Variants in PRRC2B observed in about 807,000 individuals in gnomAD.
PRRC2B encodes the protein protein PRRC2B.
Under a neutral mutation model 242.3 loss-of-function variants are expected in PRRC2B, and 68 were observed. The ratio of observed to expected loss-of-function variants is 0.28; its 90% confidence interval spans 0.23 to 0.34. The LOEUF (loss-of-function observed/expected upper bound fraction) is 0.34. PRRC2B is among the 10% of genes least tolerant of loss of function. PRRC2B has a pLI of 1.00. For synonymous variants in PRRC2B, 1,228 were observed against 1,173.6 expected (o/e 1.05, Z -0.95); for missense variants, 2,835 against 2,954.8 (o/e 0.96, Z 0.94).
chr9:131,420,454 T>TTCTTTCGTTCGTTCGTTCG (rs1837778374), intron 1 of PRRC2B, among the ~76,000 whole-genome samples: 1 of 8,024 alleles, frequency 1.2e-4, no homozygotes, highest in Non-Finnish European at 7.0e-4. Flanking sequence ...TCTTTTTCTT[T>TTCTTTCGTTCGTTCGTTCG]TTCTTTCTTT....
chr9:131,414,435 A>G lies in PRRC2B; in HGVS notation c.-51-15659A>G, dbSNP rs1346729556. ...TATCTTTTGCTTTTTACATTGCTCC[A>G]AGAAAATGCAATCAATACTAATTTG... is the stretch of plus-strand genomic sequence containing the variant. On this transcript the variant is annotated intron_variant, in intron 1 of 31. Coordinates refer to ENST00000683519, the MANE Select transcript of PRRC2B (RefSeq NM_013318.4). Among the ~76,000 whole-genome samples, 9 of 43,594 alleles carry G rather than the reference A, an allele frequency of 2.1e-4. No homozygotes were observed. The Admixed American group carries it at 2.3e-3, about 11-fold the overall frequency. The allele number at this position is 43,594 out of a possible 152,430, so 28.6% of individuals were successfully genotyped here.
At chr9:131,469,944 A>G (rs1464348370) in intron 13 of PRRC2B, among the ~76,000 whole-genome samples, 2 of 152,210 alleles carry the variant, frequency 1.3e-5, no homozygotes, top group African/African-American at 4.8e-5. Context: ...TGTGAGTGCA[A>G]CAAAGGAGCA....
chr9:131,450,641 G>A (rs1028536476), intron 9 of PRRC2B, among the ~76,000 whole-genome samples: 1 of 150,516 alleles, frequency 6.6e-6, no homozygotes, highest in East Asian at 2.0e-4. Flanking sequence ...AGGCTGGAGT[G>A]CAGTGGCATG....
At chr9:131,477,104 C>T (rs1006439269) in intron 16 of PRRC2B, among the ~76,000 whole-genome samples, 6 of 152,184 alleles carry the variant, frequency 3.9e-5, no homozygotes, top group Admixed American at 1.3e-4. Context: ...CAGAGGCATT[C>T]GGGTGATGAC....
chr9:131,420,496 T>TCTTTCTTTCGTTCGTTCGTTC (rs59621148), intron 1 of PRRC2B, among the ~76,000 whole-genome samples: 1 of 75,898 alleles, frequency 1.3e-5, no homozygotes. Context: ...TTTCTTTCTT[T>TCTTTCTTTCGTTCGTTCGTTC]TTTTTTTTTT....
intron 1 of PRRC2B, among the ~76,000 whole-genome samples, chr9:131,413,566 CTG>C (rs1837561251): frequency 6.6e-6 from 1 of 152,236 alleles, no homozygotes; most frequent in East Asian, 1.9e-4. Context: ...CGTGCTCTCA[CTG>C]TGTTGCCCAG....
At chr9:131,451,326 G>A (rs1219916106) in intron 9 of PRRC2B, among the ~76,000 whole-genome samples, 1 of 152,152 alleles carries the variant, frequency 6.6e-6, no homozygotes, top group Non-Finnish European at 1.5e-5. Context: ...TTGAACTCGG[G>A]AGGCGGAGGT....
intron 28 of PRRC2B, among the ~76,000 whole-genome samples, chr9:131,489,486 C>T (rs1481314832): frequency 6.6e-6 from 1 of 152,092 alleles, no homozygotes; most frequent in Non-Finnish European, 1.5e-5. Flanking sequence ...CAGTCTCTGC[C>T]ACCCATGTTT....
At chr9:131,406,365 A>G (rs2131290796) in intron 1 of PRRC2B, among the ~76,000 whole-genome samples, 1 of 152,272 alleles carries the variant, frequency 6.6e-6, no homozygotes, top group East Asian at 1.9e-4. Context: ...GATAGCTGGC[A>G]GCTGCCCTGT....
At chr9:131,412,156 AT>A (rs1274754843) in intron 1 of PRRC2B, among the ~76,000 whole-genome samples, 1 of 152,162 alleles carries the variant, frequency 6.6e-6, no homozygotes, top group Non-Finnish European at 1.5e-5. Flanking sequence ...ATGTTTGCTC[AT>A]CTACGTTGAC....
Position 131,482,816 on chromosome 9 carries a change from A to G in PRRC2B, c.5282A>G (p.Gln1761Arg), listed in dbSNP as rs757067304. The G allele has an allele frequency of 1.2e-6, 2 of 1,609,600 alleles. No individual in the cohort carries two copies. Among genetic ancestry groups the G allele is most frequent in the African/African-American group, 1.3e-5 (1 of 74,856 alleles). Residue 1761 changes from glutamine (Q) to arginine (R), a missense_variant, in exon 22 of 32, where the codon CAA (glutamine) becomes CGA (arginine). Physicochemically the swap from Gln to Arg is conservative, Grantham distance 43. Coordinates refer to ENST00000683519, the MANE Select transcript of PRRC2B (RefSeq NM_013318.4). This position sits in a 1 kb window ranked among gnomAD's most constrained non-coding sequence, Gnocchi z 5.2. ...GGCTCGGAGGGGGCCGAGCGGCTGC[A>G]AGGGGCTGTCGTCCCGCCTGTTAAC... ...RKGSEGAERL[Q>R]GAVVPPVNGV... is the part of the protein sequence containing the mutation.
At position 131,420,494 on chromosome 9, in the gene PRRC2B, T is replaced by TTTCTTTCTTTCTTTCTTTCTTTCTC. The variant is rs1554758631; in HGVS notation, c.-51-9598_-51-9597insCTTTCTTTCTTTCTTTCTTTCTCTT. Among the ~76,000 whole-genome samples, 12 of 10,050 alleles carry TTTCTTTCTTTCTTTCTTTCTTTCTC rather than the reference T, an allele frequency of 1.2e-3. 1 individual carries two copies. The highest frequency in any genetic ancestry group is 6.8e-4 in the Non-Finnish European group (3 of 4,442). 6.6% of individuals were successfully genotyped at this position (10,050 alleles called of 152,430 possible). A position where few individuals can be genotyped will look rare whatever the true frequency, so the allele number is the denominator to read the frequency against. On this transcript the variant is annotated intron_variant, in intron 1 of 31. Coordinates refer to ENST00000683519, the MANE Select transcript of PRRC2B (RefSeq NM_013318.4). Reference sequence around the variant, plus strand: ...CTTTCTTTCTTTCTTTCTTTCTTTCTTTTTTTTTTTTTTTTTGAGATGGAG... The same window carrying TTTCTTTCTTTCTTTCTTTCTTTCTC: ...CTTTCTTTCTTTCTTTCTTTCTTTCTTTCTTTCTTTCTTTCTTTCTTTCTCTTTTTTTTTTTTTTTTGAGATGGAG...
At chr9:131,396,325 CTTTTTT>C (rs1165485887) in intron 1 of PRRC2B, among the ~76,000 whole-genome samples, 8 of 132,954 alleles carry the variant, frequency 6.0e-5, no homozygotes, top group African/African-American at 2.4e-4. Flanking sequence ...CTTTTCTTTT[CTTTTTT>C]TTTTTTTTTT....
chr9:131,456,910 T>G (rs1035743045), intron 10 of PRRC2B, among the ~76,000 whole-genome samples: 4 of 152,260 alleles, frequency 2.6e-5, no homozygotes, highest in African/African-American at 9.6e-5. Context: ...AATGCCTGTT[T>G]CCTTCACATT....
At chr9:131,483,850 C>T (rs1241204510) in intron 23 of PRRC2B, among the ~76,000 whole-genome samples, 1 of 152,210 alleles carries the variant, frequency 6.6e-6, no homozygotes, top group African/African-American at 2.4e-5. Flanking sequence ...GGCGCTCTAC[C>T]ATGGGCTCAG....
Position 131,482,715 on chromosome 9 carries a change from A to G in PRRC2B, c.5181A>G (p.Ser1727=). Reference sequence around the variant, plus strand: ...CTCTCTGCTTTTTTATCAAGGATTCAGAACAAGGCTCTGGACAGAGCAAGG... The same window carrying G: ...CTCTCTGCTTTTTTATCAAGGATTCGGAACAAGGCTCTGGACAGAGCAAGG... ...QAPKPSEQKD[S]EQGSGQSKEH... The change falls in exon 22 of 32, where the codon TCA becomes TCG. Residue 1727 remains serine (S), a synonymous_variant. Coordinates refer to ENST00000683519, the MANE Select transcript of PRRC2B (RefSeq NM_013318.4). The surrounding 1 kb of genome is among the most constrained non-coding windows in gnomAD (Gnocchi z 5.2). 6.4e-7 allele frequency: 1 copy of G among 1,570,184 alleles called. No homozygotes were observed. Among genetic ancestry groups the G allele is most frequent in the Non-Finnish European group, 8.6e-7 (1 of 1,159,456 alleles).
At chr9:131,380,588 A>T (rs1488904708) in intron 1 of PRRC2B, among the ~76,000 whole-genome samples, 2 of 149,094 alleles carry the variant, frequency 1.3e-5, no homozygotes, top group Non-Finnish European at 3.0e-5. Flanking sequence ...TCAAAAAAGA[A>T]AAAAAAAAAG....
intron 1 of PRRC2B, among the ~76,000 whole-genome samples, chr9:131,401,408 G>A (rs1210009612): frequency 9.5e-5 from 14 of 146,958 alleles, no homozygotes; most frequent in African/African-American, 2.8e-4. Context: ...TTTTGAGATA[G>A]GGTCTCACTG....
Position 131,478,501 on chromosome 9 carries a change from G to A in PRRC2B, c.4640G>A (p.Ser1547Asn), listed in dbSNP as rs370723829. The A allele has an allele frequency of 2.5e-6, 4 of 1,613,780 alleles. No homozygotes were observed. The highest frequency in any genetic ancestry group is 1.3e-5 in the African/African-American group (1 of 75,018). The change falls in exon 18 of 32, where the codon AGC (serine) becomes AAC (asparagine). Residue 1547 changes from serine to asparagine, a missense_variant. Physicochemically the swap from Ser to Asn is conservative, Grantham distance 46. Around this residue, in one of 7 missense-constraint regions of PRRC2B, gnomAD observed 1,536 missense variants for 1,483.1 expected, o/e 1.04. Transcript: ENST00000683519. ...GCCATCATTGAAAATTGCGGGTCCA[G>A]CCCCGGGGAGGAGAGTGAGGTGGGT... ...GSAIIENCGS[S>N]PGEESEVGSM...
Sources: allele counts gnomAD v4.1 joint callset (sites outside exome capture counted in the v4.1 genomes callset), GRCh38; gene constraint gnomAD v4.1.1; regional missense constraint gnomAD v4.1.1; non-coding constraint Gnocchi (gnomAD v3.1); transcripts MANE v1.5; gene names NCBI Gene and HGNC (gene_info 2026-07-23, HGNC 2026-07-21).